AGBL4: variants seen among roughly 807,000 people sequenced by gnomAD.
The protein encoded by AGBL4 is AGBL carboxypeptidase 4.
AGBL4 carries 58 observed loss-of-function variants against 66.4 expected under a neutral mutation model. The observed-to-expected ratio is 0.87, with a 90% CI of 0.71 to 1.09. The LOEUF is 1.09. AGBL4 is among the 50% of genes least tolerant of loss of function. AGBL4 has a pLI of 0.00. For missense variants in AGBL4, 579 were observed against 631.0 expected (o/e 0.92, Z 0.88); for synonymous variants, 234 against 222.9 (o/e 1.05, Z -0.44).
chr1:49,144,526 TACACAC>T (rs58163314), intron 4 of AGBL4, among the ~76,000 whole-genome samples: 28 of 146,202 alleles, frequency 1.9e-4, no homozygotes, highest in South Asian at 6.7e-4. Context: ...TTACCTAATC[TACACAC>T]ACACACACAC....
At chr1:48,644,598 G>A (rs573345987) in intron 8 of AGBL4, among the ~76,000 whole-genome samples, 1 of 152,338 alleles carries the variant, frequency 6.6e-6, no homozygotes, top group South Asian at 2.1e-4. Flanking sequence ...TCAAGTGGAA[G>A]CAGAGTGCCA....
intron 5 of AGBL4, among the ~76,000 whole-genome samples, chr1:48,950,046 T>G (rs1020681732): frequency 6.6e-6 from 1 of 152,168 alleles, no homozygotes; most frequent in Non-Finnish European, 1.5e-5. Context: ...ACACATATAT[T>G]AACACACTCA....
chr1:49,313,333 A>G (rs955626154), intron 3 of AGBL4, among the ~76,000 whole-genome samples: 1 of 152,160 alleles, frequency 6.6e-6, no homozygotes, highest in African/African-American at 2.4e-5. Flanking sequence ...TGCAGTAAAC[A>G]TACGTGTGCA....
intron 6 of AGBL4, among the ~76,000 whole-genome samples, chr1:48,735,395 T>A (rs1570414171): frequency 1.4e-5 from 2 of 141,144 alleles, no homozygotes; most frequent in South Asian, 2.3e-4. Context: ...GGAGGGAGGG[T>A]GGGAGAGAGG....
chr1:48,549,092 C>T (rs1644210978), intron 11 of AGBL4, among the ~76,000 whole-genome samples: 1 of 152,174 alleles, frequency 6.6e-6, no homozygotes, highest in Non-Finnish European at 1.5e-5. Flanking sequence ...AATTCATTTT[C>T]TGCTCATACT....
chr1:49,412,262 G>A (rs1475650106), intron 3 of AGBL4, among the ~76,000 whole-genome samples: 1 of 152,072 alleles, frequency 6.6e-6, no homozygotes. Flanking sequence ...GCATGTTCAG[G>A]TTCCAGTGAA....
In AGBL4 at chr1:49,542,940, A is replaced by C. The variant is rs550943641; in HGVS notation, c.282+154373T>G. 3.3e-5 allele frequency among the ~76,000 whole-genome samples: 5 copies of C among 151,202 alleles called. No individual in the cohort carries two copies. In the South Asian group the frequency reaches 1.0e-3, roughly 32 times the overall value. On this transcript the variant is annotated intron_variant, in intron 3 of 13. Coordinates refer to ENST00000371839, the MANE Select transcript of AGBL4 (RefSeq NM_032785.4). ...AAAAAAAAAAACTCAACAACTCTAGAAACTAGGATTTTCCAATCCTGAATG... is the reference window on the plus strand; with the variant it reads ...AAAAAAAAAAACTCAACAACTCTAGCAACTAGGATTTTCCAATCCTGAATG...
At chr1:49,476,775 CT>C (rs1646855424) in intron 3 of AGBL4, among the ~76,000 whole-genome samples, 1 of 152,062 alleles carries the variant, frequency 6.6e-6, no homozygotes, top group Non-Finnish European at 1.5e-5. Context: ...TTCTCCATCC[CT>C]TTACCTTATG....
chr1:49,297,934 A>G (rs968366104), intron 3 of AGBL4, among the ~76,000 whole-genome samples: 3 of 152,180 alleles, frequency 2.0e-5, no homozygotes, highest in African/African-American at 7.2e-5. Context: ...ATGCAAACAC[A>G]CATGGCACAG....
At chr1:48,798,802 G>A (rs527461251) in intron 6 of AGBL4, among the ~76,000 whole-genome samples, 4 of 152,034 alleles carry the variant, frequency 2.6e-5, no homozygotes, top group Non-Finnish European at 5.9e-5. Flanking sequence ...GTTCTTGTTC[G>A]CTTTGTCAAA....
chr1:48,751,661 C>T (rs139945317), intron 6 of AGBL4, among the ~76,000 whole-genome samples: 41 of 152,314 alleles, frequency 2.7e-4, no homozygotes, highest in East Asian at 7.7e-4. Flanking sequence ...AAAACATAAG[C>T]TTGTCACATG....
intron 3 of AGBL4, among the ~76,000 whole-genome samples, chr1:49,459,087 C>T (rs1025021788): frequency 8.0e-5 from 12 of 149,700 alleles, no homozygotes; most frequent in African/African-American, 9.8e-5. Flanking sequence ...TTGCTTCTTT[C>T]GTTTTGGTAT....
intron 2 of AGBL4, among the ~76,000 whole-genome samples, chr1:49,738,314 C>T (rs964903441): frequency 7.2e-5 from 11 of 152,196 alleles, no homozygotes; most frequent in Non-Finnish European, 1.3e-4. Flanking sequence ...ATTGCTAGCA[C>T]AGCAGTCTGA....
At position 48,746,962 on chromosome 1, in the gene AGBL4, A is replaced by T. The variant is rs1650867206; in HGVS notation, c.635-83721T>A. ...TGTGTTTTCTTCAGGGAGAGCAGGG[A>T]GGGCCCCTAGTGCTTTTAATTTAAG... On this transcript the variant is annotated intron_variant, in intron 6 of 13. Coordinates refer to ENST00000371839, the MANE Select transcript of AGBL4 (RefSeq NM_032785.4). Among the ~76,000 whole-genome samples, 2 of 152,180 alleles carry T rather than the reference A, an allele frequency of 1.3e-5. 1 individual carries two copies. The highest frequency in any genetic ancestry group is 4.8e-5 in the African/African-American group (2 of 41,464).
At chr1:48,663,581 C>A (rs1275667762) in intron 6 of AGBL4, among the ~76,000 whole-genome samples, 2 of 152,052 alleles carry the variant, frequency 1.3e-5, no homozygotes, top group Non-Finnish European at 2.9e-5. Context: ...TTTCCATTTT[C>A]TAATCTATAA....
At chr1:49,352,255 TCA>T (rs1643924947) in intron 3 of AGBL4, among the ~76,000 whole-genome samples, 1 of 152,064 alleles carries the variant, frequency 6.6e-6, no homozygotes, top group African/African-American at 2.4e-5. Flanking sequence ...AATCAGACTC[TCA>T]GAGTGTGGGG....
chr1:49,006,000 C>CA lies in AGBL4; in HGVS notation c.594+39583dup, dbSNP rs954918081. 2.5e-3 allele frequency among the ~76,000 whole-genome samples: 349 copies of CA among 140,452 alleles called. 1 individual carries two copies. Among genetic ancestry groups the CA allele is most frequent in the Middle Eastern group, 0.011 (3 of 280 alleles). 92.1% of individuals were successfully genotyped at this position (140,452 alleles called of 152,430 possible). On this transcript the variant is annotated intron_variant, in intron 5 of 13. Coordinates refer to ENST00000371839, the MANE Select transcript of AGBL4 (RefSeq NM_032785.4). Reference sequence around the variant, plus strand: ...TAGGCGACAGAGTGAGACTCCGTCTCAAAAAAAAAAAGGGAGGAGGAGCCA... The same window carrying CA: ...TAGGCGACAGAGTGAGACTCCGTCTCAAAAAAAAAAAAGGGAGGAGGAGCCA...
chr1:49,106,248 T>A (rs1211593103), intron 4 of AGBL4, among the ~76,000 whole-genome samples: 1 of 152,100 alleles, frequency 6.6e-6, no homozygotes, highest in East Asian at 1.9e-4. Flanking sequence ...ACCAAAAGGG[T>A]TTTACCTTGC....
chr1:49,938,524 C>G (rs1306495584), intron 1 of AGBL4, among the ~76,000 whole-genome samples: 1 of 152,106 alleles, frequency 6.6e-6, no homozygotes, highest in Non-Finnish European at 1.5e-5. Flanking sequence ...ATACCAAAGC[C>G]GGGCAGAGAC....
Sources: allele counts gnomAD v4.1 joint callset (sites outside exome capture counted in the v4.1 genomes callset), GRCh38; gene constraint gnomAD v4.1.1; transcripts MANE v1.5; gene names NCBI Gene and HGNC (gene_info 2026-07-23, HGNC 2026-07-21).